The following NAV1 variants were observed in gnomAD, a reference collection of about 807,000 sequenced individuals.
NAV1 encodes neuron navigator 1, also known as pore membrane and/or filament interacting like protein 3.
In NAV1, 18 loss-of-function variants were observed where a neutral mutation model predicts 175.2. The ratio of observed to expected loss-of-function variants is 0.10; its 90% CI spans 0.07 to 0.15. NAV1 has a LOEUF of 0.15. Among genes scored for constraint, NAV1 ranks in the 10% least tolerant of loss-of-function variants. NAV1 has a pLI of 1.00. For synonymous variants in NAV1, 897 were observed against 978.7 expected, an observed-to-expected ratio of 0.92 and a Z score of 1.56; for missense variants, 1,731 against 2,436.6, an observed-to-expected ratio of 0.71 and a Z score of 6.10.
chr1:201,622,160 T>G (rs1668192825), upstream of NAV1, among the ~76,000 whole-genome samples: 2 of 143,032 alleles, frequency 1.4e-5, no homozygotes, highest in African/African-American at 2.7e-5. Context: ...GGGAGGTGGG[T>G]AGGGAATGGG....
intron 1 of NAV1, among the ~76,000 whole-genome samples, chr1:201,571,380 A>G (rs895407250): frequency 6.6e-6 from 1 of 152,216 alleles, no homozygotes; most frequent in Non-Finnish European, 1.5e-5. Context: ...CCTTTCCTAC[A>G]TAGTCATGGC....
rs1286079439 is a variant in NAV1 at position 201,807,628 on chromosome 1, C to T, written c.3649-325C>T. On this transcript the variant is annotated intron_variant, in intron 17 of 29. Transcript: ENST00000367296. The surrounding 1 kb of genome is among the most constrained non-coding windows in gnomAD (Gnocchi z 5.4). Reference sequence around the variant, plus strand: ...AGGAAGTTCCCATAGCCTACAACATCAGCAAGCTAGAAGATTCTGTTCTTT... The same window carrying T: ...AGGAAGTTCCCATAGCCTACAACATTAGCAAGCTAGAAGATTCTGTTCTTT... Among the ~76,000 whole-genome samples, 1 of 152,192 alleles carries T rather than the reference C, an allele frequency of 6.6e-6. No individual in the cohort carries two copies. The highest frequency in any genetic ancestry group is 1.9e-4 in the East Asian group (1 of 5,202).
At chr1:201,587,623 G>A (rs1288221381) in intron 1 of NAV1, among the ~76,000 whole-genome samples, 6 of 152,084 alleles carry the variant, frequency 3.9e-5, no homozygotes, top group African/African-American at 1.4e-4. Flanking sequence ...GGCACAGGTT[G>A]CAGTGAGCCA....
At chr1:201,757,860 T>C (rs1193190519) in intron 3 of NAV1, among the ~76,000 whole-genome samples, 5 of 152,226 alleles carry the variant, frequency 3.3e-5, no homozygotes, top group East Asian at 1.9e-4. Flanking sequence ...GCCAGCCTAG[T>C]TGCGGTGGAA....
chr1:201,575,324 C>G (rs565804178), intron 1 of NAV1, among the ~76,000 whole-genome samples: 1 of 152,260 alleles, frequency 6.6e-6, no homozygotes, highest in African/African-American at 2.4e-5. Flanking sequence ...CCTTCTTTCT[C>G]CTTGATCCTT....
chr1:201,803,503 T>C (rs1172091953), intron 15 of NAV1, 90 bp from the exon 20 acceptor site: 1 of 1,432,654 alleles, frequency 7.0e-7, no homozygotes, highest in African/African-American at 1.4e-5. Flanking sequence ...TTGGTTCTCC[T>C]TTCTCTTATC....
intron 1 of NAV1, among the ~76,000 whole-genome samples, chr1:201,558,436 G>A (rs1299521903): frequency 6.6e-6 from 1 of 152,136 alleles, no homozygotes; most frequent in African/African-American, 2.4e-5. Flanking sequence ...AATTTGTCTG[G>A]GATCTAGGTG....
rs1206279198 is a variant in NAV1 at position 201,783,678 on chromosome 1, A to G, written c.2630A>G (p.Lys877Arg). 1.2e-6 allele frequency: 2 copies of G among 1,614,112 alleles called. No individual in the cohort carries two copies. The highest frequency in any genetic ancestry group is 1.7e-6 in the Non-Finnish European group (2 of 1,180,016). ...CCAAAAGAGACCCGCATGTACCCCA[A>G]ACTCTCAGGCCTGCACAGGAGCATG... Residue 877 changes from lysine (K) to arginine (R), a missense_variant, in exon 7 of 30, where the codon AAA becomes AGA. Lys to Arg is a conservative substitution (Grantham distance 26). Around this residue, in one of 13 missense-constraint regions of NAV1, gnomAD observed 634 missense variants for 766.8 expected, o/e 0.83. Transcript: ENST00000367296.
At chr1:201,697,987 G>A (rs891487835) in intron 1 of NAV1, among the ~76,000 whole-genome samples, 14 of 152,168 alleles carry the variant, frequency 9.2e-5, no homozygotes, top group African/African-American at 9.7e-5. Flanking sequence ...CCTTGCCCAA[G>A]GTCACAGGGC....
intron 1 of NAV1, among the ~76,000 whole-genome samples, chr1:201,580,822 G>A (rs1468591404): frequency 6.6e-6 from 1 of 152,142 alleles, no homozygotes; most frequent in Non-Finnish European, 1.5e-5. Context: ...AAGGAGGTGG[G>A]AGTCATCGCC....
intron 1 of NAV1, among the ~76,000 whole-genome samples, chr1:201,669,003 G>A (rs148426118): frequency 5.9e-5 from 9 of 152,282 alleles, no homozygotes; most frequent in Admixed American, 2.0e-4. Context: ...CTGGACCTAG[G>A]GTAGGAAAAG....
At chr1:201,669,193 C>A (rs1184207107) in intron 1 of NAV1, among the ~76,000 whole-genome samples, 1 of 152,230 alleles carries the variant, frequency 6.6e-6, no homozygotes, top group Non-Finnish European at 1.5e-5. Context: ...CATGGACTTA[C>A]AACTTTGTGG....
At chr1:201,702,672 T>TTCCCTC (rs1365276379) in intron 1 of NAV1, among the ~76,000 whole-genome samples, 3 of 1,716 alleles carry the variant, frequency 1.7e-3, no homozygotes, top group African/African-American at 2.3e-3. Context: ...GGTATGTGAA[T>TTCCCTC]TCTCTCTCTC....
At chr1:201,546,457 C>T (rs905363964) in intron 1 of NAV1, among the ~76,000 whole-genome samples, 2 of 152,124 alleles carry the variant, frequency 1.3e-5, no homozygotes, top group Non-Finnish European at 2.9e-5. Context: ...GCAAGTTCCC[C>T]CACACACAAG....
At chr1:201,772,026 A>G (rs767211359) in intron 3 of NAV1, among the ~76,000 whole-genome samples, 2 of 152,366 alleles carry the variant, frequency 1.3e-5, no homozygotes, top group South Asian at 2.1e-4. Flanking sequence ...TCTTGTTTTC[A>G]TATAAGCAAT....
chr1:201,703,847 T>A (rs1671549847), intron 1 of NAV1, among the ~76,000 whole-genome samples: 1 of 151,986 alleles, frequency 6.6e-6, no homozygotes, highest in South Asian at 2.1e-4. Context: ...AGCCTGGGTG[T>A]GGTGGAGGGG....
intron 1 of NAV1, among the ~76,000 whole-genome samples, chr1:201,575,841 T>C (rs747686002): frequency 7.9e-5 from 12 of 152,220 alleles, no homozygotes; most frequent in Admixed American, 7.8e-4. Flanking sequence ...TGGTCCTTGA[T>C]CACCAGGCAT....
intron 15 of NAV1, among the ~76,000 whole-genome samples, chr1:201,802,624 C>G (rs1467160019): frequency 6.6e-6 from 1 of 150,916 alleles, no homozygotes; most frequent in Non-Finnish European, 1.5e-5. Context: ...ACTAAAAATA[C>G]GAAAAAATTA....
chr1:201,615,705 T>A (rs1667984094), intron 2 of NAV1, among the ~76,000 whole-genome samples: 1 of 152,264 alleles, frequency 6.6e-6, no homozygotes, highest in African/African-American at 2.4e-5. Context: ...TTAACTTTTC[T>A]AAAGCCACAT....
Sources: gnomAD v4.1 joint callset for allele counts (sites outside exome capture counted in the v4.1 genomes callset) on GRCh38, gnomAD v4.1.1 for gene constraint, gnomAD v4.1.1 regional missense constraint, Gnocchi (gnomAD v3.1) non-coding constraint, MANE v1.5 for transcripts, NCBI Gene and HGNC (gene_info 2026-07-23, HGNC 2026-07-21) for gene names.